Variants in SFMBT2 observed in about 807,000 individuals in gnomAD.
SFMBT2 encodes the protein Scm like with four mbt domains 2, also known as scm-like with four MBT domains protein 2.
Under a neutral mutation model 110.1 loss-of-function variants are expected in SFMBT2, and 38 were observed. The observed-to-expected ratio is 0.35, with a 90% confidence interval of 0.27 to 0.45. The LOEUF is 0.45. Ranked by LOEUF, SFMBT2 falls within the 20% of genes least tolerant of loss-of-function variation. The pLI, the probability that SFMBT2 is intolerant of heterozygous loss-of-function variation, is 1.00. For synonymous variants in SFMBT2, 425 were observed against 425.4 expected (o/e 1.00, Z 0.01); for missense variants, 1,011 against 1,094.9 (o/e 0.92, Z 1.08).
intron 7 of SFMBT2, among the ~76,000 whole-genome samples, chr10:7,259,978 A>G (rs753511072): frequency 3.3e-5 from 5 of 152,226 alleles, no homozygotes; most frequent in African/African-American, 1.2e-4. Flanking sequence ...TGTCTAGTGT[A>G]TAAGATTCAA....
At chr10:7,364,803 C>T (rs1047976134) in intron 4 of SFMBT2, among the ~76,000 whole-genome samples, 1 of 152,214 alleles carries the variant, frequency 6.6e-6, no homozygotes, top group African/African-American at 2.4e-5. Context: ...CCGGCATGAA[C>T]GCAACTCCCC....
chr10:7,407,377 G>C (rs886852424), intron 1 of SFMBT2, among the ~76,000 whole-genome samples: 3 of 152,108 alleles, frequency 2.0e-5, no homozygotes, highest in Admixed American at 2.0e-4. Flanking sequence ...CCTTCTCTAC[G>C]GTGCAAGAGT....
intron 4 of SFMBT2, among the ~76,000 whole-genome samples, chr10:7,298,885 C>A (rs906067985): frequency 1.3e-5 from 2 of 152,082 alleles, no homozygotes; most frequent in Non-Finnish European, 2.9e-5. Flanking sequence ...GGATTACGAA[C>A]AACTACTGCA....
Position 7,197,976 on chromosome 10 carries a change from G to A in SFMBT2, c.1559-289C>T, listed in dbSNP as rs544342657. On this transcript the variant is annotated intron_variant, in intron 14 of 20. Coordinates refer to ENST00000397167, the MANE Select transcript of SFMBT2 (RefSeq NM_001387889.1). ...GATTTTCTTCTTTTGAGAAAGAGGC[G>A]CTGTGTCCTAATAGCAGGACATTTT... is the stretch of plus-strand genomic sequence containing the variant. 2.1e-5 allele frequency: 21 copies of A among 983,632 alleles called. 1 individual carries two copies. In the East Asian group the frequency reaches 3.4e-4, roughly 16 times the overall value. 60.9% of individuals were successfully genotyped at this position (983,632 alleles called of 1,614,324 possible).
At chr10:7,210,102 T>C (rs1839289087) in intron 11 of SFMBT2, among the ~76,000 whole-genome samples, 1 of 151,224 alleles carries the variant, frequency 6.6e-6, no homozygotes, top group African/African-American at 2.5e-5. Flanking sequence ...TAAAGAGTTC[T>C]GCAGCTTGCT....
intron 7 of SFMBT2, among the ~76,000 whole-genome samples, chr10:7,270,680 CA>C (rs1173361678): frequency 2.0e-5 from 3 of 152,098 alleles, no homozygotes; most frequent in African/African-American, 7.2e-5. Context: ...TAATTATGCA[CA>C]AAATACTGAA....
chr10:7,220,857 GGCTCTGATGCCCAGACTGGAGT>G (rs1475531278), intron 10 of SFMBT2, among the ~76,000 whole-genome samples: 1 of 147,912 alleles, frequency 6.8e-6, no homozygotes, highest in Non-Finnish European at 1.5e-5. Context: ...GACAGAGTCT[GGCTCTGATGCCCAGACTGGAGT>G]GCAGTGGCGT....
At chr10:7,263,774 C>G (rs367977659) in intron 7 of SFMBT2, among the ~76,000 whole-genome samples, 1 of 152,162 alleles carries the variant, frequency 6.6e-6, no homozygotes, top group African/African-American at 2.4e-5. Flanking sequence ...AAAAAGAAAC[C>G]AGTCACCATA....
chr10:7,325,880 G>A (rs1843368515), intron 4 of SFMBT2, among the ~76,000 whole-genome samples: 2 of 152,190 alleles, frequency 1.3e-5, no homozygotes, highest in Non-Finnish European at 2.9e-5. Flanking sequence ...TACACTTTAA[G>A]TGGGTGAATT....
chr10:7,228,732 TTTCC>T (rs1162809310), intron 9 of SFMBT2, among the ~76,000 whole-genome samples: 10 of 60,678 alleles, frequency 1.6e-4, no homozygotes, highest in Non-Finnish European at 2.9e-4. Flanking sequence ...TCTTTCTTTC[TTTCC>T]TTTCTCTCTC....
At chr10:7,239,523 C>T (rs1020622341) in intron 9 of SFMBT2, among the ~76,000 whole-genome samples, 2 of 152,160 alleles carry the variant, frequency 1.3e-5, no homozygotes, top group African/African-American at 4.8e-5. Flanking sequence ...ACCACTACCA[C>T]AATCACCACC....
rs772841128 is a variant in SFMBT2, at chr10:7,381,783, G to A, written c.100+16C>T. ...TTCATCAAAAATCCAGATGAATCTC[G>A]AAAACAAAATCCTACCAGAATCAAG... is the stretch of plus-strand genomic sequence containing the variant. On this transcript the variant is annotated intron_variant, in intron 2 of 20. Transcript: ENST00000397167. 1.5e-5 allele frequency: 24 copies of A among 1,607,290 alleles called. No individual in the cohort carries two copies. The highest frequency in any genetic ancestry group is 3.3e-4 in the Middle Eastern group (2 of 6,052).
intron 4 of SFMBT2, among the ~76,000 whole-genome samples, chr10:7,325,838 A>G (rs1480870873): frequency 6.6e-6 from 1 of 152,244 alleles, no homozygotes. Context: ...TGGTGGTTGC[A>G]AAACTCTGAA....
chr10:7,226,091 A>C (rs1441435658), intron 10 of SFMBT2, among the ~76,000 whole-genome samples: 1 of 152,232 alleles, frequency 6.6e-6, no homozygotes, highest in African/African-American at 2.4e-5. Flanking sequence ...CAAAGGCGAC[A>C]TCATTCGGTG....
chr10:7,402,181 T>C (rs112608863), intron 1 of SFMBT2, among the ~76,000 whole-genome samples: 59 of 150,926 alleles, frequency 3.9e-4, no homozygotes, highest in African/African-American at 1.4e-3. Context: ...AAAATAAAAA[T>C]GACTCCAGAT....
In SFMBT2 at chr10:7,188,695, T is replaced by C. The variant is rs747852121; in HGVS notation, c.1737A>G (p.Gly579=). 6.2e-7 allele frequency: 1 copy of C among 1,613,654 alleles called. No homozygotes were observed. The highest frequency in any genetic ancestry group is 8.5e-7 in the Non-Finnish European group (1 of 1,179,740). Residue 579 remains glycine (G), a synonymous_variant, in exon 16 of 21, where the codon GGA becomes GGG. Transcript: ENST00000397167. ...SMIINAAYKP[G]RVLRELQLVE... The stretch of plus-strand genomic sequence containing the variant: ...CCAGCTGTAATTCTCTTAATACCCT[T>C]CCAGGCTTGTAGGCTGCGTTGATTA...
intron 4 of SFMBT2, among the ~76,000 whole-genome samples, chr10:7,342,394 G>GTTTTTTT (rs1411169372): frequency 3.3e-5 from 3 of 90,938 alleles, no homozygotes; most frequent in Admixed American, 1.3e-4. Flanking sequence ...ACTGGAGTGA[G>GTTTTTTT]TCTTTTTTTT....
intron 2 of SFMBT2, among the ~76,000 whole-genome samples, chr10:7,376,629 G>C (rs1359834252): frequency 6.8e-6 from 1 of 146,570 alleles, no homozygotes; most frequent in Non-Finnish European, 1.5e-5. Context: ...AACCCGAGAG[G>C]AGGAGCTTAA....
chr10:7,163,521 C>T lies in SFMBT2; in HGVS notation c.*249G>A. 1 of 420,802 alleles carries T rather than the reference C, an allele frequency of 2.4e-6. No homozygotes were observed. The allele number at this position is 420,802 out of a possible 1,614,324, so 26.1% of individuals were successfully genotyped here. On this transcript the variant is annotated 3_prime_UTR_variant, in exon 21 of 21. Transcript: ENST00000397167. The surrounding 1 kb of genome is among the most constrained non-coding windows in gnomAD (Gnocchi z 4.8). ...GGCAAAACGTGGGTGAGCCAAGAAG[C>T]AGGCCCACGTCTGGCAGGGTCTGAT...
Sources: allele counts gnomAD v4.1 joint callset (sites outside exome capture counted in the v4.1 genomes callset), GRCh38; gene constraint gnomAD v4.1.1; non-coding constraint Gnocchi (gnomAD v3.1); transcripts MANE v1.5; gene names NCBI Gene and HGNC (gene_info 2026-07-23, HGNC 2026-07-21).